THRB: variants seen among roughly 807,000 people sequenced by gnomAD.
THRB encodes the protein thyroid hormone receptor beta.
A neutral mutation model predicts 47.8 loss-of-function variants in THRB; 12 were observed. The observed-to-expected ratio is 0.25, with a 90% CI of 0.16 to 0.41. THRB has a LOEUF of 0.41. Ranked by LOEUF, THRB falls within the 10% of genes least tolerant of loss-of-function variation. THRB has a pLI of 1.00. For missense variants in THRB, 348 were observed against 589.2 expected (o/e 0.59, Z 4.24); for synonymous variants, 218 against 212.2 (o/e 1.03, Z -0.24).
intron 8 of THRB, among the ~76,000 whole-genome samples, chr3:24,141,255 GC>G (rs2035403965): frequency 6.6e-6 from 1 of 152,202 alleles, no homozygotes; most frequent in African/African-American, 2.4e-5. Flanking sequence ...ACTGTTAGGA[GC>G]CTTTAAGTGA....
At chr3:24,266,644 G>C (rs1055047938) in intron 3 of THRB, among the ~76,000 whole-genome samples, 2 of 152,176 alleles carry the variant, frequency 1.3e-5, no homozygotes, top group Non-Finnish European at 2.9e-5. Context: ...GGGATTTAAA[G>C]AGGGAGCCAG....
chr3:24,359,837 C>CAGCTT, intron 1 of THRB, among the ~76,000 whole-genome samples: 3 of 152,286 alleles, frequency 2.0e-5, no homozygotes, highest in Admixed American at 2.0e-4. Context: ...GGCCACTTTA[C>CAGCTT]AGCTTGCTGG....
intron 1 of THRB, among the ~76,000 whole-genome samples, chr3:24,413,011 A>G (rs2068438095): frequency 6.6e-6 from 1 of 151,858 alleles, no homozygotes; most frequent in African/African-American, 2.4e-5. Context: ...ACAAAGGAGC[A>G]GTTAAAGAGG....
intron 1 of THRB, among the ~76,000 whole-genome samples, chr3:24,349,347 T>A (rs2063220093): frequency 6.6e-6 from 1 of 151,994 alleles, no homozygotes; most frequent in Non-Finnish European, 1.5e-5. Flanking sequence ...CTGGTGGAAA[T>A]TAGTAAACTA....
intron 4 of THRB, among the ~76,000 whole-genome samples, chr3:24,205,064 G>C (rs574847420): frequency 6.6e-6 from 1 of 152,304 alleles, no homozygotes; most frequent in Non-Finnish European, 1.5e-5. Context: ...ATGGAACCAA[G>C]CTGGAAAACA....
chr3:24,152,967 AAAAAAAGAAAG>A (rs2037216981), intron 5 of THRB, among the ~76,000 whole-genome samples: 1 of 70,996 alleles, frequency 1.4e-5, no homozygotes, highest in African/African-American at 6.9e-5. Flanking sequence ...TGCCAAAAAA[AAAAAAAGAAAG>A]AAAGAAAGAA....
chr3:24,137,670 C>T (rs765347322), intron 8 of THRB, among the ~76,000 whole-genome samples: 4 of 152,050 alleles, frequency 2.6e-5, no homozygotes, highest in Admixed American at 1.3e-4. Flanking sequence ...CAGGGGGATC[C>T]GTGATGCTAG....
chr3:24,363,231 A>G (rs1157502534), intron 1 of THRB, among the ~76,000 whole-genome samples: 1 of 152,180 alleles, frequency 6.6e-6, no homozygotes, highest in African/African-American at 2.4e-5. Flanking sequence ...ATTTCATCCA[A>G]TGAGAGCCAA....
At chr3:24,153,430 GTGA>G (rs2037328228) in intron 5 of THRB, among the ~76,000 whole-genome samples, 1 of 152,222 alleles carries the variant, frequency 6.6e-6, no homozygotes, top group African/African-American at 2.4e-5. Flanking sequence ...AGGTAAACTT[GTGA>G]TATTATGATA....
intron 1 of THRB, among the ~76,000 whole-genome samples, chr3:24,337,908 G>C (rs1330875596): frequency 6.6e-6 from 1 of 152,178 alleles, no homozygotes; most frequent in African/African-American, 2.4e-5. Flanking sequence ...TGTCTAGATT[G>C]TGCTAAATGC....
In THRB at chr3:24,462,321, G is replaced by T. The variant is rs142619068; in HGVS notation, c.-261+32331C>A. Among the ~76,000 whole-genome samples the T allele has an allele frequency of 1.6e-4, 25 of 152,268 alleles. No homozygotes were observed. The Middle Eastern group carries it at 0.014, about 83-fold the overall frequency. ...GATATTATTCCTTAGAATTAAGAAG[G>T]TTTGACTAAATGATCTCTATGTATC... On this transcript the variant is annotated intron_variant, in intron 1 of 10. Transcript: ENST00000646209.
At chr3:24,458,334 G>A (rs1262248760) in intron 1 of THRB, 3 of 152,028 alleles carry the variant, frequency 2.0e-5, no homozygotes, top group Non-Finnish European at 4.4e-5. Flanking sequence ...AAAAGACCAC[G>A]GAAGAGTTTT....
At chr3:24,230,217 G>A (rs1259722376) in intron 3 of THRB, among the ~76,000 whole-genome samples, 1 of 152,162 alleles carries the variant, frequency 6.6e-6, no homozygotes, top group Non-Finnish European at 1.5e-5. Flanking sequence ...TTCAAACCTT[G>A]ATCATACTTC....
intron 1 of THRB, among the ~76,000 whole-genome samples, chr3:24,440,827 G>A (rs13077437): frequency 0.28 from 42,047 of 152,078 alleles, 6,207 homozygotes; most frequent in Admixed American, 0.34. Context: ...ATAAGAGAAT[G>A]CAAGAGACTA....
chr3:24,455,589 AGAC>A (rs1037068640), intron 1 of THRB, among the ~76,000 whole-genome samples: 1 of 152,214 alleles, frequency 6.6e-6, no homozygotes, highest in African/African-American at 2.4e-5. Flanking sequence ...TAATCAGACT[AGAC>A]AATCTGTTCA....
At chr3:24,460,974 G>T (rs2073643178) in intron 1 of THRB, among the ~76,000 whole-genome samples, 1 of 152,152 alleles carries the variant, frequency 6.6e-6, no homozygotes, top group South Asian at 2.1e-4. Context: ...AGCCTCACTG[G>T]TCAATTGTAG....
Position 24,421,965 on chromosome 3 carries a change from A to G in THRB, c.-261+72687T>C, listed in dbSNP as rs1276180524. Among the ~76,000 whole-genome samples the G allele has an allele frequency of 3.3e-5, 5 of 151,916 alleles. No individual in the cohort carries two copies. In the East Asian group the frequency reaches 9.7e-4, roughly 30 times the overall value. On this transcript the variant is annotated intron_variant, in intron 1 of 10. Transcript: ENST00000646209. The stretch of plus-strand genomic sequence containing the variant: ...CAAGGCGCATGCTAATCTGATTCCT[A>G]GTCTAGTGTTCCTTTTTCCCCATCA...
At chr3:24,427,596 T>C (rs2069897644) in intron 1 of THRB, among the ~76,000 whole-genome samples, 1 of 152,066 alleles carries the variant, frequency 6.6e-6, no homozygotes, top group Admixed American at 6.6e-5. Flanking sequence ...ATGCCATGAC[T>C]ATTTCCAAAA....
At chr3:24,300,086 G>A (rs747891717) in intron 2 of THRB, among the ~76,000 whole-genome samples, 56 of 151,994 alleles carry the variant, frequency 3.7e-4, no homozygotes, top group Non-Finnish European at 1.8e-4. Flanking sequence ...CTATGCCTGA[G>A]GGAGGGCAGA....
Sources: gnomAD v4.1 joint callset for allele counts (sites outside exome capture counted in the v4.1 genomes callset) on GRCh38, gnomAD v4.1.1 for gene constraint, MANE v1.5 for transcripts, NCBI Gene and HGNC (gene_info 2026-07-23, HGNC 2026-07-21) for gene names.